The following ALDH6A1 variants were observed in gnomAD, a reference collection of about 807,000 sequenced individuals.
ALDH6A1 encodes methylmalonate-semialdehyde/malonate-semialdehyde dehydrogenase [acylating], mitochondrial.
ALDH6A1 carries 43 observed loss-of-function variants against 62.6 expected under a neutral mutation model. The ratio of observed to expected loss-of-function variants is 0.69; its 90% CI spans 0.54 to 0.89. ALDH6A1 has a LOEUF of 0.89. Ranked by LOEUF, ALDH6A1 falls within the 40% of genes least tolerant of loss-of-function variation. ALDH6A1 has a pLI of 0.00. For missense variants in ALDH6A1, 551 were observed against 661.3 expected (o/e 0.83, Z 1.83); for synonymous variants, 194 against 234.2 (o/e 0.83, Z 1.57).
chr14:74,057,780 C>G lies in ALDH6A1; in HGVS notation c.*2862G>C, dbSNP rs569593728. On this transcript the variant is annotated 3_prime_UTR_variant, in exon 12 of 12. Coordinates refer to ENST00000553458, the MANE Select transcript of ALDH6A1 (RefSeq NM_005589.4). ...AAAAAGAAAATACTGACTTTTTAGC[C>G]GCGATCACATGAATATAACTGATGA... 24 of 1,083,822 alleles carry G rather than the reference C, an allele frequency of 2.2e-5. No individual in the cohort carries two copies. The highest frequency in any genetic ancestry group is 2.6e-5 in the Non-Finnish European group (23 of 887,116). 67.1% of individuals were successfully genotyped at this position (1,083,822 alleles called of 1,614,324 possible). A position where few individuals can be genotyped will look rare whatever the true frequency, so the allele number is the denominator to read the frequency against.
rs2060433185 is a variant in ALDH6A1, at chr14:74,064,826, T to C, written c.1499A>G (p.Lys500Arg). The change falls in exon 11 of 12, where the codon AAA becomes AGA. Residue 500 changes from lysine to arginine, a missense_variant. By Grantham distance (26) the Lys-to-Arg change is conservative (BLOSUM62 2). Coordinates refer to ENST00000553458, the MANE Select transcript of ALDH6A1 (RefSeq NM_005589.4). The stretch of plus-strand genomic sequence containing the variant: ...AAAATTTAACTCAAAAGTTACCTGT[T>C]TGCCATAGAAATTGGTGTCTCCCCT... ...SFRGDTNFYG[K>R]QGIQFYTQLK... is the part of the protein sequence containing the mutation. The C allele has an allele frequency of 6.2e-7, 1 of 1,613,904 alleles. No homozygotes were observed. Among genetic ancestry groups the C allele is most frequent in the Non-Finnish European group, 8.5e-7 (1 of 1,179,922 alleles).
chr14:74,062,559 C>A (rs2060371251), intron 11 of ALDH6A1, among the ~76,000 whole-genome samples: 1 of 152,108 alleles, frequency 6.6e-6, no homozygotes, highest in Non-Finnish European at 1.5e-5. Flanking sequence ...CAAGATCATG[C>A]CACTATACTC....
intron 8 of ALDH6A1, 118 bp downstream of exon 8, chr14:74,067,262 A>G: frequency 8.4e-7 from 1 of 1,196,734 alleles, no homozygotes; most frequent in Non-Finnish European, 1.2e-6. Flanking sequence ...TACAGTATAA[A>G]GAGAGGAAAT....
chr14:74,061,042 A>G (rs939422811), intron 11 of ALDH6A1, among the ~76,000 whole-genome samples: 3 of 152,014 alleles, frequency 2.0e-5, no homozygotes, highest in African/African-American at 7.3e-5. Context: ...CAGTGGCATG[A>G]TCTCAGCTCA....
At chr14:74,082,380 T>C (rs1394058209) in intron 1 of ALDH6A1, among the ~76,000 whole-genome samples, 1 of 147,976 alleles carries the variant, frequency 6.8e-6, no homozygotes, top group Non-Finnish European at 1.5e-5. Flanking sequence ...TATTCATGGC[T>C]GCCAAAATCG....
At chr14:74,081,676 G>A (rs2060669127) in intron 1 of ALDH6A1, among the ~76,000 whole-genome samples, 1 of 152,044 alleles carries the variant, frequency 6.6e-6, no homozygotes. Context: ...TTCATGGCCT[G>A]CTAGTCCTGC....
intron 1 of ALDH6A1, among the ~76,000 whole-genome samples, chr14:74,082,414 T>TG: frequency 6.9e-6 from 1 of 145,216 alleles, no homozygotes; most frequent in East Asian, 2.0e-4. Flanking sequence ...TTTTTTTTTT[T>TG]TTTTTGATGG....
At chr14:74,068,655 A>G (rs2060506061) in intron 7 of ALDH6A1, among the ~76,000 whole-genome samples, 1 of 151,960 alleles carries the variant, frequency 6.6e-6, no homozygotes, top group South Asian at 2.1e-4. Context: ...AGGCAGGAGA[A>G]TCGCTTGAAC....
intron 7 of ALDH6A1, 81 bp from the exon 8 acceptor site, chr14:74,067,650 T>C: frequency 6.9e-7 from 1 of 1,441,460 alleles, no homozygotes; most frequent in Non-Finnish European, 9.6e-7. Context: ...GGACCAGGTG[T>C]GGTGGCTAAT....
At chr14:74,079,407 C>A (rs945149513) in intron 1 of ALDH6A1, among the ~76,000 whole-genome samples, 1 of 150,868 alleles carries the variant, frequency 6.6e-6, no homozygotes, top group Non-Finnish European at 1.5e-5. Context: ...CCACCACACC[C>A]GGCTAATTTT....
intron 1 of ALDH6A1, among the ~76,000 whole-genome samples, chr14:74,080,437 A>G (rs2060659321): frequency 1.4e-5 from 2 of 145,456 alleles, no homozygotes; most frequent in East Asian, 2.0e-4. Context: ...GCACAACCAC[A>G]GCTCACTGTA....
chr14:74,065,433 T>A (rs1033942050), intron 9 of ALDH6A1, 73 bp from the exon 10 acceptor site: 1 of 1,329,550 alleles, frequency 7.5e-7, no homozygotes, highest in Non-Finnish European at 1.1e-6. Context: ...ATTTGGTACT[T>A]TCACTTACTA....
At chr14:74,067,207 G>A (rs2060480765) in intron 8 of ALDH6A1, among the ~76,000 whole-genome samples, 173 bp downstream of exon 8, 1 of 151,986 alleles carries the variant, frequency 6.6e-6, no homozygotes. Context: ...GACAGCCTGT[G>A]CTTTAAAAAA....
chr14:74,078,126 A>T (rs1863312516), intron 1 of ALDH6A1: 1 of 448,054 alleles, frequency 2.2e-6, no homozygotes, highest in African/African-American at 2.0e-5. Context: ...CCACAACTTT[A>T]TCTTAAAACT....
In ALDH6A1 at chr14:74,084,356, C is replaced by A. The variant is rs768586669; in HGVS notation, c.39G>T (p.Arg13=). Residue 13 remains arginine (R), a synonymous_variant, in exon 1 of 12, where the codon CGG becomes CGT. Transcript: ENST00000553458. Reference sequence around the variant, plus strand: ...CACCACCCTCACTCGCCTGCAGGATCCGGGCTCGCACTGCCGCCGCCGCCA... The same window carrying A: ...CACCACCCTCACTCGCCTGCAGGATACGGGCTCGCACTGCCGCCGCCGCCA... ...ALLAAAAVRA[R]ILQVSSKVKS... 1.2e-6 allele frequency: 2 copies of A among 1,613,404 alleles called. No individual in the cohort carries two copies. The highest frequency in any genetic ancestry group is 1.7e-6 in the Non-Finnish European group (2 of 1,179,916).
At position 74,072,623 on chromosome 14, in the gene ALDH6A1, AAACAAAC is replaced by A. The variant is rs2060566450; in HGVS notation, c.112-19_112-13del. ...AGCTTTACAGTTGGCTGAAAAAAACAAACAAACAAACAAACAAACAAAAACATGAAAC... is the reference window on the plus strand; with the variant it reads ...AGCTTTACAGTTGGCTGAAAAAAACAAAACAAACAAACAAAAACATGAAAC... On this transcript the variant is annotated splice_polypyrimidine_tract_variant and intron_variant, in intron 2 of 11. Transcript: ENST00000553458. 1.3e-6 allele frequency: 2 copies of A among 1,597,732 alleles called. No homozygotes were observed. The highest frequency in any genetic ancestry group is 1.7e-6 in the Non-Finnish European group (2 of 1,177,964).
chr14:74,071,876 A>G lies in ALDH6A1; in HGVS notation c.427+20T>C, dbSNP rs1377293408. On this transcript the variant is annotated intron_variant, in intron 5 of 11. Transcript: ENST00000553458. ...TCCTTTGGTCCTTCCCAAAAGTCCCATAAGGGGCTCCCAGCTTACGAAGGC... is the reference window on the plus strand; with the variant it reads ...TCCTTTGGTCCTTCCCAAAAGTCCCGTAAGGGGCTCCCAGCTTACGAAGGC... 6.2e-7 allele frequency: 1 copy of G among 1,613,368 alleles called. No individual in the cohort carries two copies. The highest frequency in any genetic ancestry group is 1.1e-5 in the South Asian group (1 of 91,064).
chr14:74,084,403 G>A lies in ALDH6A1; in HGVS notation c.-9C>T, dbSNP rs1036510771. On this transcript the variant is annotated 5_prime_UTR_variant, in exon 1 of 12. Coordinates refer to ENST00000553458, the MANE Select transcript of ALDH6A1 (RefSeq NM_005589.4). ...GCCAATAGCGCCGCCATGGCTCTCG[G>A]CCGCCCTAGCTCCGCACCCCGCGCC... is the stretch of plus-strand genomic sequence containing the variant. 4 of 1,612,760 alleles carry A rather than the reference G, an allele frequency of 2.5e-6. No individual in the cohort carries two copies. Among genetic ancestry groups the A allele is most frequent in the Admixed American group, 3.3e-5 (2 of 59,974 alleles).
chr14:74,061,294 CATTTATTT>C (rs201254770), intron 11 of ALDH6A1, among the ~76,000 whole-genome samples: 2 of 149,298 alleles, frequency 1.3e-5, no homozygotes, highest in Admixed American at 6.7e-5. Context: ...TATAGTAGGC[CATTTATTT>C]ATTTATTTAT....
Sources: gnomAD v4.1 joint callset for allele counts (sites outside exome capture counted in the v4.1 genomes callset) on GRCh38, gnomAD v4.1.1 for gene constraint, MANE v1.5 for transcripts, NCBI Gene and HGNC (gene_info 2026-07-23, HGNC 2026-07-21) for gene names.